The following ARID2 variants were observed in gnomAD, a reference collection of about 807,000 sequenced individuals.
The protein encoded by ARID2 is AT-rich interactive domain-containing protein 2.
A neutral mutation model predicts 184.6 loss-of-function variants in ARID2; 32 were observed. The ratio of observed to expected loss-of-function variants is 0.17; its 90% CI spans 0.13 to 0.23. The LOEUF (loss-of-function observed/expected upper bound fraction) is 0.23. Ranked by LOEUF, ARID2 falls within the 10% of genes least tolerant of loss-of-function variation. The probability of loss-of-function intolerance (pLI) is 1.00; values close to 1 mark genes in which losing one functional copy is unlikely to be tolerated. For synonymous variants in ARID2, 836 were observed against 772.6 expected, an observed-to-expected ratio of 1.08 and a Z score of -1.36; for missense variants, 1,696 against 2,197.6, an observed-to-expected ratio of 0.77 and a Z score of 4.56.
rs1943524965 is a variant in ARID2 at position 45,850,404 on chromosome 12, A to G, written c.2281A>G (p.Thr761Ala). 6.2e-7 allele frequency: 1 copy of G among 1,614,090 alleles called. No homozygotes were observed. The highest frequency in any genetic ancestry group is 2.2e-5 in the East Asian group (1 of 44,868). The stretch of plus-strand genomic sequence containing the variant: ...ACCTGTTACAGTTGTGAATTCTCAG[A>G]CATTGCTTCACCATCCATCTGTAAT... ...PQPVTVVNSQ[T>A]LLHHPSVIPQ... Residue 761 changes from threonine (T) to alanine (A), a missense_variant, in exon 15 of 21, where the codon ACA becomes GCA. Thr to Ala is a moderately conservative substitution (Grantham distance 58, BLOSUM62 0). This residue lies in a region of ARID2 where 713 missense variants were observed against 824.4 expected (regional missense o/e 0.86). Transcript: ENST00000334344.
chr12:45,742,108 C>T (rs1941269521), intron 3 of ARID2, among the ~76,000 whole-genome samples: 2 of 152,184 alleles, frequency 1.3e-5, no homozygotes, highest in African/African-American at 4.8e-5. Flanking sequence ...CAACAAACAA[C>T]AAACCTACCA....
Position 45,798,443 on chromosome 12 carries a change from A to G in ARID2, c.285-12975A>G, listed in dbSNP as rs79441706. ...TCACCTCCTACTGCCACTGCTTTGAATAACCTATGTTTGTTCTTCCCTAAA... is the reference window on the plus strand; with the variant it reads ...TCACCTCCTACTGCCACTGCTTTGAGTAACCTATGTTTGTTCTTCCCTAAA... On this transcript the variant is annotated intron_variant, in intron 3 of 20. Transcript: ENST00000334344. Among the ~76,000 whole-genome samples, 684 of 152,350 alleles carry G rather than the reference A, an allele frequency of 4.5e-3. 5 individuals are homozygous for G. Among genetic ancestry groups the G allele is most frequent in the African/African-American group, 0.014 (599 of 41,582 alleles).
chr12:45,894,739 AAAAG>A lies in ARID2; in HGVS notation c.5363+1022_5363+1025del, dbSNP rs528589224. Among the ~76,000 whole-genome samples the A allele has an allele frequency of 7.0e-4, 107 of 152,332 alleles. 1 individual carries two copies. The highest frequency in any genetic ancestry group is 1.4e-3 in the Non-Finnish European group (93 of 68,036). On this transcript the variant is annotated intron_variant, in intron 20 of 20. Transcript: ENST00000334344. The stretch of plus-strand genomic sequence containing the variant: ...CTTGAGCCAAGTTTTTTTTAGAAAA[AAAAG>A]AAATATAAAGGTTTAGTAACCATAT...
rs541791669 is a variant in ARID2 at position 45,738,476 on chromosome 12, G to A, written c.284+7162G>A. On this transcript the variant is annotated intron_variant, in intron 3 of 20. Transcript: ENST00000334344. ...ATTACAGGCGTGTGCCACCATACCCGGCTAATTTTTGTATTTTAGTAGAGA... is the reference window on the plus strand; with the variant it reads ...ATTACAGGCGTGTGCCACCATACCCAGCTAATTTTTGTATTTTAGTAGAGA... Among the ~76,000 whole-genome samples, 7 of 152,022 alleles carry A rather than the reference G, an allele frequency of 4.6e-5. No homozygotes were observed. The South Asian group carries it at 6.2e-4, about 14-fold the overall frequency.
rs2138082359 is a variant in ARID2 at position 45,811,422 on chromosome 12, C to T, written c.289C>T (p.Leu97=). The T allele has an allele frequency of 1.2e-6, 2 of 1,607,558 alleles. No individual in the cohort carries two copies. The highest frequency in any genetic ancestry group is 1.1e-5 in the South Asian group (1 of 90,086). ...TGTGCTGTTTTTCTGTTTCAGTTAC[C>T]TAGAAAAGTACGAGAAAGTTCATCA... is the stretch of plus-strand genomic sequence containing the variant. ...FALKQYYLRY[L]EKYEKVHHFG... is the part of the protein sequence containing the mutation. Residue 97 remains leucine, a synonymous_variant, in exon 4 of 21, where the codon CTA becomes TTA. Coordinates refer to ENST00000334344, the MANE Select transcript of ARID2 (RefSeq NM_152641.4).
chr12:45,730,113 C>G lies in ARID2; in HGVS notation c.162C>G (p.Val54=). The part of the protein sequence containing the change: ...ELDLHGLYTR[V]TTLGGFAKVS... The stretch of plus-strand genomic sequence containing the variant: ...ATCTTCACGGTCTCTACACCAGAGT[C>G]ACTACTTTAGGCGGATTCGCGAAGG... Residue 54 remains valine (V), a synonymous_variant, in exon 2 of 21, where the codon GTC becomes GTG. Coordinates refer to ENST00000334344, the MANE Select transcript of ARID2 (RefSeq NM_152641.4). 3.1e-6 allele frequency: 5 copies of G among 1,613,614 alleles called. No individual in the cohort carries two copies. In the Middle Eastern group the frequency reaches 6.7e-4, roughly 215 times the overall value.
At chr12:45,887,858 A>G (rs950583201) in intron 16 of ARID2, among the ~76,000 whole-genome samples, 2 of 152,224 alleles carry the variant, frequency 1.3e-5, no homozygotes, top group African/African-American at 4.8e-5. Flanking sequence ...ATATAAGTGA[A>G]GGAGTTAACC....
chr12:45,873,340 A>G (rs1052120994), intron 16 of ARID2, among the ~76,000 whole-genome samples: 24 of 152,254 alleles, frequency 1.6e-4, no homozygotes, highest in Middle Eastern at 3.4e-3. Flanking sequence ...TTCTCATTTA[A>G]TGTGATTTTC....
chr12:45,833,867 A>G (rs6582575), intron 6 of ARID2, among the ~76,000 whole-genome samples: 13,030 of 152,184 alleles, frequency 0.086, 1,918 homozygotes, highest in African/African-American at 0.3. Flanking sequence ...ATACTTAGCA[A>G]TGAACTCAAA....
intron 3 of ARID2, among the ~76,000 whole-genome samples, chr12:45,773,425 T>G (rs1025543052): frequency 1.3e-5 from 2 of 151,926 alleles, no homozygotes; most frequent in African/African-American, 4.8e-5. Context: ...AAAGAAAAAC[T>G]AGTTAAATCA....
intron 3 of ARID2, among the ~76,000 whole-genome samples, chr12:45,735,478 T>C (rs1941096199): frequency 6.6e-6 from 1 of 151,076 alleles, no homozygotes; most frequent in African/African-American, 2.4e-5. Flanking sequence ...GGTCTTGCTT[T>C]GTTGCCCATG....
At chr12:45,872,372 A>G (rs112311764) in intron 16 of ARID2, among the ~76,000 whole-genome samples, 2 of 152,110 alleles carry the variant, frequency 1.3e-5, no homozygotes, top group African/African-American at 4.8e-5. Context: ...TTAGACTCCA[A>G]ATGTTTTTGG....
At chr12:45,845,896 A>G (rs1315251484) in intron 11 of ARID2, 2 of 152,228 alleles carry the variant, frequency 1.3e-5, no homozygotes, top group African/African-American at 2.4e-5. Context: ...ATGCTGATCA[A>G]TAGTGAAAAA....
At chr12:45,897,503 A>G (rs1212590438) in intron 20 of ARID2, among the ~76,000 whole-genome samples, 1 of 152,234 alleles carries the variant, frequency 6.6e-6, no homozygotes, top group Non-Finnish European at 1.5e-5. Flanking sequence ...AGAAGAAACT[A>G]ATATTCAGAA....
At chr12:45,809,087 TC>T (rs1420761353) in intron 3 of ARID2, among the ~76,000 whole-genome samples, 1 of 152,206 alleles carries the variant, frequency 6.6e-6, no homozygotes, top group Admixed American at 6.5e-5. Flanking sequence ...AAATTTTAAA[TC>T]TACTGTACTA....
intron 3 of ARID2, among the ~76,000 whole-genome samples, chr12:45,766,986 A>G (rs1941784179): frequency 6.6e-6 from 1 of 152,116 alleles, no homozygotes; most frequent in African/African-American, 2.4e-5. Context: ...AACAAAAAAC[A>G]ACAACAATAA....
At chr12:45,879,144 A>T (rs898961523) in intron 16 of ARID2, among the ~76,000 whole-genome samples, 4 of 152,204 alleles carry the variant, frequency 2.6e-5, no homozygotes, top group African/African-American at 9.7e-5. Context: ...ATCTCACTTT[A>T]AAAAAGTCGG....
At position 45,851,540 on chromosome 12, in the gene ARID2, A is replaced by C. The variant is rs764886932; in HGVS notation, c.3417A>C (p.Gly1139=). The change falls in exon 15 of 21, where the codon GGA becomes GGC. Residue 1139 remains glycine, a synonymous_variant. Coordinates refer to ENST00000334344, the MANE Select transcript of ARID2 (RefSeq NM_152641.4). ...LVPSAMPPSG[G]VQTVPISNLQ... The stretch of plus-strand genomic sequence containing the variant: ...CAAGTGCAATGCCACCCTCAGGGGG[A>C]GTACAAACTGTGCCCATTTCGAACT... 3.7e-6 allele frequency: 6 copies of C among 1,614,116 alleles called. No homozygotes were observed. The highest frequency in any genetic ancestry group is 5.1e-6 in the Non-Finnish European group (6 of 1,179,982).
At chr12:45,891,090 A>G (rs1944294513) in intron 16 of ARID2, among the ~76,000 whole-genome samples, 1 of 151,870 alleles carries the variant, frequency 6.6e-6, no homozygotes, top group African/African-American at 2.4e-5. Context: ...ACTTGAACCC[A>G]GGAGGTGGAG....
Sources: gnomAD v4.1 joint callset for allele counts (sites outside exome capture counted in the v4.1 genomes callset) on GRCh38, gnomAD v4.1.1 for gene constraint, gnomAD v4.1.1 regional missense constraint, MANE v1.5 for transcripts, NCBI Gene and HGNC (gene_info 2026-07-23, HGNC 2026-07-21) for gene names.